The following UTP20 variants were observed in gnomAD, a reference collection of about 807,000 sequenced individuals.
UTP20 encodes UTP20 small subunit processome component, also known as small subunit processome component 20 homolog.
Under a neutral mutation model 329.5 loss-of-function variants are expected in UTP20, and 164 were observed. The ratio of observed to expected loss-of-function variants is 0.50; its 90% CI spans 0.44 to 0.57. The LOEUF (loss-of-function observed/expected upper bound fraction) is 0.57, where lower values mean the gene tolerates loss of function less well. UTP20 is among the 20% of genes least tolerant of loss of function. The probability of loss-of-function intolerance (pLI) is 0.00; values close to 1 mark genes in which losing one functional copy is unlikely to be tolerated. For synonymous variants in UTP20, 1,151 were observed against 1,159.3 expected (o/e 0.99, Z 0.14); for missense variants, 3,055 against 3,284.2 (o/e 0.93, Z 1.71).
chr12:101,342,704 A>G (rs1343355266), intron 33 of UTP20, 83 bp from the exon 34 acceptor site: 24 of 1,532,936 alleles, frequency 1.6e-5, no homozygotes, highest in Admixed American at 1.9e-5. Context: ...ATGAATTTGA[A>G]TGGGGACAGG....
intron 19 of UTP20, 84 bp from the exon 20 acceptor site, chr12:101,311,635 C>T: frequency 8.3e-7 from 1 of 1,203,400 alleles, no homozygotes; most frequent in Non-Finnish European, 1.2e-6. Context: ...TAGTTATATC[C>T]TTTCACTCTT....
chr12:101,331,342 G>A (rs1868750906), intron 27 of UTP20, among the ~76,000 whole-genome samples: 1 of 152,124 alleles, frequency 6.6e-6, no homozygotes, highest in Admixed American at 6.6e-5. Flanking sequence ...CTTCATATTT[G>A]CTCCATATAA....
intron 6 of UTP20, among the ~76,000 whole-genome samples, 177 bp downstream of exon 6, chr12:101,289,218 A>C (rs528454056): frequency 6.6e-6 from 1 of 152,186 alleles, no homozygotes; most frequent in South Asian, 2.1e-4. Context: ...CTCTACTAAA[A>C]ATGCAAAAAT....
At chr12:101,294,685 G>A (rs1036968544) in intron 11 of UTP20, among the ~76,000 whole-genome samples, 2 of 151,956 alleles carry the variant, frequency 1.3e-5, no homozygotes, top group African/African-American at 2.4e-5. Flanking sequence ...TGGGATTACA[G>A]TCATGTGCCC....
At position 101,312,091 on chromosome 12, in the gene UTP20, G is replaced by A. The variant is rs1213348726; in HGVS notation, c.2367G>A (p.Trp789Ter). 1 of 1,614,178 alleles carries A rather than the reference G, an allele frequency of 6.2e-7. No individual in the cohort carries two copies. Among genetic ancestry groups the A allele is most frequent in the Admixed American group, 1.7e-5 (1 of 60,008 alleles). The change falls in exon 21 of 62, where the codon TGG becomes TGA. Residue 789 changes from tryptophan to a stop codon, truncating the protein, a stop_gained. Transcript: ENST00000261637. LOFTEE classifies it high-confidence loss of function. Reference protein sequence around the residue: ...TDEKSVGDESWEQTQEGDVGA... With the variant: ...TDEKSVGDES ...AGAAGTCCGTTGGAGATGAAAGTTG[G>A]GAGCAGACCCAGGAAGGAGATGTTG...
chr12:101,363,774 C>A, intron 45 of UTP20, 31 bp downstream of exon 45: 1 of 1,423,610 alleles, frequency 7.0e-7, no homozygotes, highest in African/African-American at 1.4e-5. Flanking sequence ...CTGGAGATCA[C>A]AGCATTACAA....
chr12:101,379,688 A>G lies in UTP20; in HGVS notation c.7584+130A>G, dbSNP rs1870581933. ...AACAATTTGTTGTACAGGTGAATCA[A>G]TAGGAATATTAGTCACTGGAGAGGG... On this transcript the variant is annotated intron_variant, in intron 57 of 61. Transcript: ENST00000261637. 9 of 989,342 alleles carry G rather than the reference A, an allele frequency of 9.1e-6. No homozygotes were observed. The East Asian group carries it at 1.8e-4, about 20-fold the overall frequency. The allele number at this position is 989,342 out of a possible 1,614,324, so 61.3% of individuals were successfully genotyped here. A position where few individuals can be genotyped will look rare whatever the true frequency, so the allele number is the denominator to read the frequency against.
At chr12:101,321,809 A>G (rs1315208728) in intron 25 of UTP20, among the ~76,000 whole-genome samples, 180 bp downstream of exon 25, 1 of 152,032 alleles carries the variant, frequency 6.6e-6, no homozygotes. Flanking sequence ...CAGTGGCATG[A>G]TCACAGCTCA....
chr12:101,338,943 T>A lies in UTP20; in HGVS notation c.3999T>A (p.Leu1333=). The part of the protein sequence containing the change: ...KKNRAQVSKE[L]GILSKISKFM... The stretch of plus-strand genomic sequence containing the variant: ...ATAGAGCACAAGTCAGTAAAGAGCT[T>A]GGCATTCTTTCAAAGTAAGTGATAT... The change falls in exon 31 of 62, where the codon CTT becomes CTA. Residue 1333 remains leucine, a synonymous_variant. Transcript: ENST00000261637. The A allele has an allele frequency of 6.3e-7, 1 of 1,594,408 alleles. No individual in the cohort carries two copies. The highest frequency in any genetic ancestry group is 8.5e-7 in the Non-Finnish European group (1 of 1,175,370).
intron 4 of UTP20, 28 bp downstream of exon 4, chr12:101,285,909 C>T (rs768020126): frequency 1.3e-4 from 210 of 1,606,100 alleles, no homozygotes; most frequent in Non-Finnish European, 1.7e-4. Flanking sequence ...AGAAAGCTCA[C>T]AACTATATTT....
intron 25 of UTP20, among the ~76,000 whole-genome samples, chr12:101,324,567 G>A (rs1565794050): frequency 6.6e-6 from 1 of 152,158 alleles, no homozygotes; most frequent in Admixed American, 6.5e-5. Flanking sequence ...ACCACGTCCA[G>A]CCAGAGTGCC....
intron 21 of UTP20, among the ~76,000 whole-genome samples, chr12:101,315,619 G>A (rs1381321712): frequency 6.6e-6 from 1 of 152,290 alleles, no homozygotes; most frequent in East Asian, 1.9e-4. Flanking sequence ...AGATATAGTG[G>A]CAGAAAAGCA....
Position 101,379,497 on chromosome 12 carries a change from C to G in UTP20, c.7523C>G (p.Thr2508Ser). The G allele has an allele frequency of 6.2e-7, 1 of 1,614,016 alleles. No homozygotes were observed. Among genetic ancestry groups the G allele is most frequent in the Non-Finnish European group, 8.5e-7 (1 of 1,179,960 alleles). ...ATTCAAAAATGGAATACCAAAAAGACCAAAAAACACCTCCCAGAACCTGTA... is the reference window on the plus strand; with the variant it reads ...ATTCAAAAATGGAATACCAAAAAGAGCAAAAAACACCTCCCAGAACCTGTA... Reference protein sequence around the residue: ...ELIQKWNTKKTKKHLPEPVAI... With the variant: ...ELIQKWNTKKSKKHLPEPVAI... The change falls in exon 57 of 62, where the codon ACC becomes AGC. Residue 2508 changes from threonine to serine, a missense_variant. Thr to Ser is a moderately conservative substitution (Grantham distance 58). Around this residue, in one of 3 missense-constraint regions of UTP20, gnomAD observed 337 missense variants for 345.5 expected, o/e 0.98. Coordinates refer to ENST00000261637, the MANE Select transcript of UTP20 (RefSeq NM_014503.3).
chr12:101,381,142 G>A lies in UTP20; in HGVS notation c.7587G>A (p.Met2529Ile), dbSNP rs767396129. ...CAATGTCCATTTTCTTTTCACAGAT[G>A]AAAAGTATCTCTCTCGCCTCTTGCC... Reference protein sequence around the residue: ...KFLASDLDQKMKSISLASCHQ... With the variant: ...KFLASDLDQKIKSISLASCHQ... The change falls in exon 58 of 62, where the codon ATG (methionine) becomes ATA (isoleucine). Residue 2529 changes from methionine to isoleucine, a missense_variant and splice_region_variant. Met to Ile is a conservative substitution (Grantham distance 10). Coordinates refer to ENST00000261637, the MANE Select transcript of UTP20 (RefSeq NM_014503.3). 2 of 1,613,420 alleles carry A rather than the reference G, an allele frequency of 1.2e-6. No individual in the cohort carries two copies. The highest frequency in any genetic ancestry group is 4.5e-5 in the East Asian group (2 of 44,884).
chr12:101,375,789 C>G, intron 56 of UTP20, 33 bp downstream of exon 56: 1 of 1,305,196 alleles, frequency 7.7e-7, no homozygotes, highest in Non-Finnish European at 1.1e-6. Context: ...AAATCAAACA[C>G]ATTTGTTGTC....
intron 54 of UTP20, among the ~76,000 whole-genome samples, chr12:101,374,162 G>A (rs1466609145): frequency 6.6e-6 from 1 of 150,698 alleles, no homozygotes; most frequent in Non-Finnish European, 1.5e-5. Context: ...GTGAACCCGG[G>A]AGGCGGAGCT....
intron 18 of UTP20, 41 bp from the exon 19 acceptor site, chr12:101,309,722 A>G (rs1872728595): frequency 1.3e-6 from 2 of 1,583,996 alleles, no homozygotes; most frequent in East Asian, 4.5e-5. Flanking sequence ...TCTATACTGT[A>G]TTTCATTACC....
In UTP20 at chr12:101,284,131, G is replaced by A. The variant is rs189565239; in HGVS notation, c.127-1439G>A. ...GATTTTAGATACAGGGGGTACCTGT[G>A]CAGGTTTGTTACATGGGAATATTGT... is the stretch of plus-strand genomic sequence containing the variant. On this transcript the variant is annotated intron_variant, in intron 2 of 61. Transcript: ENST00000261637. Among the ~76,000 whole-genome samples, 20 of 152,092 alleles carry A rather than the reference G, an allele frequency of 1.3e-4. No homozygotes were observed. The East Asian group carries it at 3.7e-3, about 28-fold the overall frequency.
chr12:101,288,825 G>C, intron 5 of UTP20, 135 bp from the exon 6 acceptor site: 1 of 747,332 alleles, frequency 1.3e-6, no homozygotes, highest in Non-Finnish European at 2.1e-6. Flanking sequence ...AAATGAATGA[G>C]ATTTTAAATT....
Sources: gnomAD v4.1 joint callset for allele counts (sites outside exome capture counted in the v4.1 genomes callset) on GRCh38, gnomAD v4.1.1 for gene constraint, gnomAD v4.1.1 regional missense constraint, MANE v1.5 for transcripts, NCBI Gene and HGNC (gene_info 2026-07-23, HGNC 2026-07-21) for gene names.